Variants in KPNA5 observed in about 807,000 individuals in gnomAD.
KPNA5 encodes the protein importin subunit alpha-6.
A neutral mutation model predicts 71.3 loss-of-function variants in KPNA5; 46 were observed. That is an observed-to-expected ratio of 0.65 (90% CI 0.51 to 0.83). The LOEUF is 0.83. KPNA5 is among the 40% of genes least tolerant of loss of function. The probability of loss-of-function intolerance (pLI) is 0.00; values close to 1 mark genes in which losing one functional copy is unlikely to be tolerated. For missense variants in KPNA5, 547 were observed against 628.3 expected (o/e 0.87, Z 1.38); for synonymous variants, 207 against 201.4 (o/e 1.03, Z -0.24).
intron 1 of KPNA5, among the ~76,000 whole-genome samples, chr6:116,688,386 A>C (rs1450173836): frequency 1.3e-5 from 2 of 152,092 alleles, no homozygotes; most frequent in Admixed American, 1.3e-4. Flanking sequence ...CTCTGAATTT[A>C]ACAGAATAAC....
rs1019657280 is a variant in KPNA5, at chr6:116,739,640, C to T, written c.*7317C>T. On this transcript the variant is annotated 3_prime_UTR_variant, in exon 14 of 14. Coordinates refer to ENST00000368564, the MANE Select transcript of KPNA5 (RefSeq NM_001366306.2). ...TAACCAAAACAGCATGGTACCAGTACCAAAACAGATATAGATCAATGGAAC... is the reference window on the plus strand; with the variant it reads ...TAACCAAAACAGCATGGTACCAGTATCAAAACAGATATAGATCAATGGAAC... 1 of 152,094 alleles carries T rather than the reference C, an allele frequency of 6.6e-6. No homozygotes were observed. Among genetic ancestry groups the T allele is most frequent in the African/African-American group, 2.4e-5 (1 of 41,384 alleles). The allele number at this position is 152,094 out of a possible 1,614,324, so 9.4% of individuals were successfully genotyped here. A position where few individuals can be genotyped will look rare whatever the true frequency, so the allele number is the denominator to read the frequency against.
In KPNA5 at chr6:116,739,404, G is replaced by C. The variant is rs1413306010; in HGVS notation, c.*7081G>C. On this transcript the variant is annotated 3_prime_UTR_variant, in exon 14 of 14. Coordinates refer to ENST00000368564, the MANE Select transcript of KPNA5 (RefSeq NM_001366306.2). Reference sequence around the variant, plus strand: ...CTCATGGGTAGGAAGAATCAATATCGTGAAAATGGCCATACTGCCCAAGGT... The same window carrying C: ...CTCATGGGTAGGAAGAATCAATATCCTGAAAATGGCCATACTGCCCAAGGT... 1 of 152,000 alleles carries C rather than the reference G, an allele frequency of 6.6e-6. No individual in the cohort carries two copies. Among genetic ancestry groups the C allele is most frequent in the Non-Finnish European group, 1.5e-5 (1 of 67,992 alleles). The allele number at this position is 152,000 out of a possible 1,614,324, so 9.4% of individuals were successfully genotyped here.
At chr6:116,692,474 TA>T in intron 4 of KPNA5, 82 bp downstream of exon 4, 1 of 843,348 alleles carries the variant, frequency 1.2e-6, no homozygotes, top group South Asian at 1.6e-5. Context: ...TTTTAAATTT[TA>T]AAATACCTTT....
rs148103924 is a variant in KPNA5, at chr6:116,689,176, A to T, written c.5-144A>T. On this transcript the variant is annotated intron_variant, in intron 1 of 13. Transcript: ENST00000368564. ...CTAATCTTGATGTGGAATTAAGGGAATGTATTCTTTGTACATAATTTTCAG... is the reference window on the plus strand; with the variant it reads ...CTAATCTTGATGTGGAATTAAGGGATTGTATTCTTTGTACATAATTTTCAG... 4.0e-6 allele frequency: 3 copies of T among 745,980 alleles called. No homozygotes were observed. The East Asian group carries it at 8.4e-5, about 21-fold the overall frequency. 46.2% of individuals were successfully genotyped at this position (745,980 alleles called of 1,614,324 possible).
In KPNA5 at chr6:116,737,204, T is replaced by G. The variant is rs1313367044; in HGVS notation, c.*4881T>G. The G allele has an allele frequency of 6.6e-6, 1 of 152,028 alleles. No homozygotes were observed. Among genetic ancestry groups the G allele is most frequent in the Non-Finnish European group, 1.5e-5 (1 of 67,944 alleles). 9.4% of individuals were successfully genotyped at this position (152,028 alleles called of 1,614,324 possible). On this transcript the variant is annotated 3_prime_UTR_variant, in exon 14 of 14. Transcript: ENST00000368564. Reference sequence around the variant, plus strand: ...CACAGAACAACGTTTATTTTACTGCTGAGTCAGTACCATTCCGAGTACTCT... The same window carrying G: ...CACAGAACAACGTTTATTTTACTGCGGAGTCAGTACCATTCCGAGTACTCT...
intron 8 of KPNA5, among the ~76,000 whole-genome samples, chr6:116,721,134 T>C (rs1583439859): frequency 6.6e-6 from 1 of 152,308 alleles, no homozygotes; most frequent in Non-Finnish European, 1.5e-5. Context: ...ATGCTGATAA[T>C]CTTGAAAATC....
rs1301222176 is a variant in KPNA5, at chr6:116,736,608, G to C, written c.*4285G>C. 6.6e-6 allele frequency: 1 copy of C among 151,968 alleles called. No individual in the cohort carries two copies. The highest frequency in any genetic ancestry group is 6.6e-5 in the Admixed American group (1 of 15,208). 9.4% of individuals were successfully genotyped at this position (151,968 alleles called of 1,614,324 possible). Reference sequence around the variant, plus strand: ...AAAGCAACCAATTCTTGTTCTTGGAGTTAGCTGAGCTTCCTAGGATCCATG... The same window carrying C: ...AAAGCAACCAATTCTTGTTCTTGGACTTAGCTGAGCTTCCTAGGATCCATG... On this transcript the variant is annotated 3_prime_UTR_variant, in exon 14 of 14. Transcript: ENST00000368564.
At chr6:116,702,885 A>C (rs769694540) in intron 6 of KPNA5, among the ~76,000 whole-genome samples, 1 of 152,202 alleles carries the variant, frequency 6.6e-6, no homozygotes, top group Non-Finnish European at 1.5e-5. Context: ...GGTAAAATTT[A>C]ATTACATATA....
rs954447966 is a variant in KPNA5 at position 116,739,545 on chromosome 6, A to G, written c.*7222A>G. 1 of 152,250 alleles carries G rather than the reference A, an allele frequency of 6.6e-6. No individual in the cohort carries two copies. The highest frequency in any genetic ancestry group is 2.4e-5 in the African/African-American group (1 of 41,462). The allele number at this position is 152,250 out of a possible 1,614,324, so 9.4% of individuals were successfully genotyped here. On this transcript the variant is annotated 3_prime_UTR_variant, in exon 14 of 14. Transcript: ENST00000368564. ...AAAAAGAGCCCGCATCGCCAAGTCAATCCTAAGCCAAAAGAACACAGCTGG... is the reference window on the plus strand; with the variant it reads ...AAAAAGAGCCCGCATCGCCAAGTCAGTCCTAAGCCAAAAGAACACAGCTGG...
chr6:116,694,263 A>G (rs1363240808), intron 4 of KPNA5, among the ~76,000 whole-genome samples: 1 of 152,156 alleles, frequency 6.6e-6, no homozygotes, highest in African/African-American at 2.4e-5. Context: ...GTTTTTTCCA[A>G]TTCTGTGAAG....
At chr6:116,702,180 A>G (rs1179130863) in intron 6 of KPNA5, 30 bp downstream of exon 6, 2 of 1,587,618 alleles carry the variant, frequency 1.3e-6, no homozygotes, top group Non-Finnish European at 1.7e-6. Flanking sequence ...TGTTGTATGT[A>G]CTAGAATTCA....
intron 12 of KPNA5, among the ~76,000 whole-genome samples, chr6:116,727,872 C>T (rs556845408): frequency 1.6e-4 from 25 of 152,166 alleles, no homozygotes; most frequent in African/African-American, 5.8e-4. Flanking sequence ...TCGTCTTGTT[C>T]GGAGGATCCC....
At chr6:116,696,700 GAT>G (rs1469213163) in intron 4 of KPNA5, among the ~76,000 whole-genome samples, 1 of 151,864 alleles carries the variant, frequency 6.6e-6, no homozygotes, top group Non-Finnish European at 1.5e-5. Context: ...TGCTGAAGGA[GAT>G]ATTCCCCCTA....
intron 13 of KPNA5, among the ~76,000 whole-genome samples, chr6:116,731,700 G>C (rs1779489143): frequency 2.0e-5 from 3 of 151,936 alleles, no homozygotes; most frequent in Admixed American, 1.3e-4. Context: ...ATACTCTCTG[G>C]CTCAGCGTGT....
intron 8 of KPNA5, among the ~76,000 whole-genome samples, chr6:116,721,812 C>T (rs1182227763): frequency 6.6e-6 from 1 of 152,126 alleles, no homozygotes; most frequent in Non-Finnish European, 1.5e-5. Context: ...AAACACTTAA[C>T]TGGAACATTT....
chr6:116,734,872 C>T lies in KPNA5; in HGVS notation c.*2549C>T, dbSNP rs1184146342. 1 of 151,242 alleles carries T rather than the reference C, an allele frequency of 6.6e-6. No homozygotes were observed. Among genetic ancestry groups the T allele is most frequent in the Non-Finnish European group, 1.5e-5 (1 of 67,628 alleles). The allele number at this position is 151,242 out of a possible 1,614,324, so 9.4% of individuals were successfully genotyped here. A position where few individuals can be genotyped will look rare whatever the true frequency, so the allele number is the denominator to read the frequency against. ...TATTTAAATCCAAGAGAAACTATGC[C>T]GAAAAAAAGTGTTATAAAGAGGAAT... On this transcript the variant is annotated 3_prime_UTR_variant, in exon 14 of 14. Coordinates refer to ENST00000368564, the MANE Select transcript of KPNA5 (RefSeq NM_001366306.2).
chr6:116,716,979 T>C (rs1231390674), intron 8 of KPNA5, among the ~76,000 whole-genome samples: 1 of 152,072 alleles, frequency 6.6e-6, no homozygotes, highest in Non-Finnish European at 1.5e-5. Context: ...ATTTTTACTT[T>C]TCATTTCATT....
chr6:116,714,067 A>G (rs906948937), intron 7 of KPNA5, among the ~76,000 whole-genome samples: 1 of 152,156 alleles, frequency 6.6e-6, no homozygotes, highest in African/African-American at 2.4e-5. Context: ...TTTAATTTAT[A>G]TATTTCACTG....
chr6:116,703,331 C>T lies in KPNA5; in HGVS notation c.567+1181C>T, dbSNP rs1044691762. 5.2e-4 allele frequency among the ~76,000 whole-genome samples: 78 copies of T among 151,136 alleles called. 1 individual carries two copies. Among genetic ancestry groups the T allele is most frequent in the Non-Finnish European group, 1.9e-4 (13 of 67,932 alleles). ...ACGCTGGAATGCAATGGCGCGATCT[C>T]GGCTCACTGCAACTTCCACCTTCCA... is the stretch of plus-strand genomic sequence containing the variant. On this transcript the variant is annotated intron_variant, in intron 6 of 13. Transcript: ENST00000368564.
Sources: allele counts gnomAD v4.1 joint callset (sites outside exome capture counted in the v4.1 genomes callset), GRCh38; gene constraint gnomAD v4.1.1; transcripts MANE v1.5; gene names NCBI Gene and HGNC (gene_info 2026-07-23, HGNC 2026-07-21).